The following SLC25A33 variants were observed in gnomAD, a reference collection of about 807,000 sequenced individuals.
SLC25A33 encodes bone marrow stromal cell mitochondrial carrier protein.
A neutral mutation model predicts 35.5 loss-of-function variants in SLC25A33; 15 were observed. The ratio of observed to expected loss-of-function variants is 0.42; its 90% CI spans 0.28 to 0.65. The LOEUF is 0.65. Ranked by LOEUF, SLC25A33 falls within the 30% of genes least tolerant of loss-of-function variation. SLC25A33 has a pLI of 0.20. For synonymous variants in SLC25A33, 136 were observed against 148.7 expected, an observed-to-expected ratio of 0.91 and a Z score of 0.62; for missense variants, 257 against 398.5, an observed-to-expected ratio of 0.64 and a Z score of 3.02.
intron 1 of SLC25A33, among the ~76,000 whole-genome samples, chr1:9,541,360 A>G (rs1417180792): frequency 6.6e-6 from 1 of 152,164 alleles, no homozygotes; most frequent in Non-Finnish European, 1.5e-5. Flanking sequence ...CGTGTTAGCC[A>G]GGATGGTCTC....
At chr1:9,557,060 A>G (rs1005947062) in intron 2 of SLC25A33, among the ~76,000 whole-genome samples, 3 of 152,130 alleles carry the variant, frequency 2.0e-5, no homozygotes, top group Non-Finnish European at 4.4e-5. Flanking sequence ...CAGCCTCCCA[A>G]GTAGCTGGGA....
intron 5 of SLC25A33, 29 bp downstream of exon 5, chr1:9,573,441 G>T: frequency 1.3e-6 from 2 of 1,592,664 alleles, no homozygotes; most frequent in South Asian, 1.1e-5. Flanking sequence ...CTTCCTTAAT[G>T]AAAGGATTTT....
chr1:9,540,198 G>A lies in SLC25A33; in HGVS notation c.56+451G>A, dbSNP rs1195581082. Among the ~76,000 whole-genome samples, 4 of 152,286 alleles carry A rather than the reference G, an allele frequency of 2.6e-5. No individual in the cohort carries two copies. In the East Asian group the frequency reaches 7.7e-4, roughly 29 times the overall value. ...CGAGGTTCCTCAGGGCAGCGCGGGA[G>A]GTCATCCGGACGGGCAAAAAGGTCT... On this transcript the variant is annotated intron_variant, in intron 1 of 6. Coordinates refer to ENST00000302692, the MANE Select transcript of SLC25A33 (RefSeq NM_032315.3).
rs1399369090 is a variant in SLC25A33, at chr1:9,578,733, AGTGCTGGGATTACAGGT to A, written c.483-1217_483-1201del. ...CAGTCCTCCCGCCTTGGCCTCCCAA[AGTGCTGGGATTACAGGT>A]GTGAGCCACTGCTCCCAGCCCTTGT... On this transcript the variant is annotated intron_variant, in intron 5 of 6. Coordinates refer to ENST00000302692, the MANE Select transcript of SLC25A33 (RefSeq NM_032315.3). The surrounding 1 kb of genome is among the most constrained non-coding windows in gnomAD (Gnocchi z 4.3). 6.6e-6 allele frequency among the ~76,000 whole-genome samples: 1 copy of A among 152,182 alleles called. No individual in the cohort carries two copies. The highest frequency in any genetic ancestry group is 1.5e-5 in the Non-Finnish European group (1 of 68,036).
At chr1:9,577,256 G>A (rs936195701) in intron 5 of SLC25A33, among the ~76,000 whole-genome samples, 5 of 152,080 alleles carry the variant, frequency 3.3e-5, no homozygotes, top group Non-Finnish European at 5.9e-5. Flanking sequence ...TCAGGATTTC[G>A]AGACCAGCCT....
chr1:9,553,944 C>T (rs1010180532), intron 2 of SLC25A33, 139 bp downstream of exon 2: 14 of 1,020,270 alleles, frequency 1.4e-5, no homozygotes, highest in Non-Finnish European at 2.0e-5. Flanking sequence ...ATTTCTTTAC[C>T]AATACCTTTG....
At chr1:9,556,675 C>CTGTGTCTGTGTGTGTGTGTG (rs1215058920) in intron 2 of SLC25A33, among the ~76,000 whole-genome samples, 1 of 149,310 alleles carries the variant, frequency 6.7e-6, no homozygotes, top group Non-Finnish European at 1.5e-5. Flanking sequence ...GTGTGTGTGT[C>CTGTGTCTGTGTGTGTGTGTG]TGTGTCTGTG....
At chr1:9,569,941 G>A (rs541150776) in intron 3 of SLC25A33, among the ~76,000 whole-genome samples, 10 of 152,264 alleles carry the variant, frequency 6.6e-5, no homozygotes, top group Middle Eastern at 3.4e-3. Context: ...AACTTCCAAT[G>A]TGTTGAAGCT....
At chr1:9,567,224 A>G in intron 2 of SLC25A33, 60 bp from the exon 3 acceptor site, 1 of 1,400,456 alleles carries the variant, frequency 7.1e-7, no homozygotes, top group Non-Finnish European at 1.0e-6. Flanking sequence ...TTGACTCTTT[A>G]TCATTTTTAA....
At position 9,559,488 on chromosome 1, in the gene SLC25A33, C is replaced by T. The variant is rs573207484; in HGVS notation, c.236+5683C>T. ...AATAGCTACTCTCTGCTTTTAAACACAAGGTTTTGTTTTTTTTTAACCTTA... is the reference window on the plus strand; with the variant it reads ...AATAGCTACTCTCTGCTTTTAAACATAAGGTTTTGTTTTTTTTTAACCTTA... On this transcript the variant is annotated intron_variant, in intron 2 of 6. Transcript: ENST00000302692. Among the ~76,000 whole-genome samples, 18 of 150,810 alleles carry T rather than the reference C, an allele frequency of 1.2e-4. No homozygotes were observed. In the South Asian group the frequency reaches 3.6e-3, roughly 30 times the overall value.
chr1:9,572,743 T>C (rs1205810579), intron 4 of SLC25A33, among the ~76,000 whole-genome samples: 5 of 152,096 alleles, frequency 3.3e-5, no homozygotes, highest in Non-Finnish European at 5.9e-5. Context: ...TTGCTTTTTT[T>C]GGTTGTCCTA....
At chr1:9,556,369 A>G (rs1254155152) in intron 2 of SLC25A33, 1 of 392,876 alleles carries the variant, frequency 2.5e-6, no homozygotes, top group Non-Finnish European at 3.5e-6. Flanking sequence ...TGTGGGTGTC[A>G]ATAGGGCCAA....
chr1:9,550,030 T>A (rs1643243971), intron 1 of SLC25A33, among the ~76,000 whole-genome samples: 1 of 118,470 alleles, frequency 8.4e-6, no homozygotes, highest in African/African-American at 3.3e-5. Flanking sequence ...TTTTTTTTTT[T>A]TTTTTTTTGA....
chr1:9,584,469 G>T lies in SLC25A33; in HGVS notation c.*1968G>T, dbSNP rs1479551235. ...GGCTGGAGTGCAGTGGCACAATCTC[G>T]GCTCACTACAGCCTCCACCTCCCGG... On this transcript the variant is annotated 3_prime_UTR_variant, in exon 7 of 7. Coordinates refer to ENST00000302692, the MANE Select transcript of SLC25A33 (RefSeq NM_032315.3). The T allele has an allele frequency of 6.6e-6, 1 of 152,206 alleles. No homozygotes were observed. The highest frequency in any genetic ancestry group is 1.5e-5 in the Non-Finnish European group (1 of 68,100). The allele number at this position is 152,206 out of a possible 1,614,324, so 9.4% of individuals were successfully genotyped here.
At chr1:9,581,436 T>C (rs113296290) in intron 6 of SLC25A33, among the ~76,000 whole-genome samples, 22 of 152,306 alleles carry the variant, frequency 1.4e-4, no homozygotes, top group African/African-American at 5.1e-4. Context: ...TCATTGAAAC[T>C]AAGCTTTTTT....
At chr1:9,549,735 C>G (rs1424360736) in intron 1 of SLC25A33, among the ~76,000 whole-genome samples, 1 of 150,912 alleles carries the variant, frequency 6.6e-6, no homozygotes, top group Admixed American at 6.6e-5. Flanking sequence ...ATTCTCCTGC[C>G]TCAGCCTCCT....
Position 9,553,777 on chromosome 1 carries a change from G to A in SLC25A33, c.208G>A (p.Val70Met), listed in dbSNP as rs140078620. 17 of 1,613,938 alleles carry A rather than the reference G, an allele frequency of 1.1e-5. No homozygotes were observed. The highest frequency in any genetic ancestry group is 3.3e-5 in the Admixed American group (2 of 59,962). Residue 70 changes from valine (V) to methionine (M), a missense_variant, in exon 2 of 7, where the codon GTG (valine) becomes ATG (methionine). By Grantham distance (21) the Val-to-Met change is conservative. Transcript: ENST00000302692. ...AGCTGGAATGGTGAGACCAACATCC[G>A]TGACACCTGGACTCTTTCAGGTTCT... ...SGAGMVRPTSVTPGLFQVLKS... is the reference protein window; with the variant it reads ...SGAGMVRPTSMTPGLFQVLKS...
chr1:9,575,465 AT>A (rs980870502), intron 5 of SLC25A33, among the ~76,000 whole-genome samples: 7 of 151,574 alleles, frequency 4.6e-5, no homozygotes, highest in African/African-American at 1.7e-4. Flanking sequence ...AAATACAAAA[AT>A]TAGCCAGGCG....
At chr1:9,563,137 G>C (rs1283155263) in intron 2 of SLC25A33, among the ~76,000 whole-genome samples, 1 of 151,896 alleles carries the variant, frequency 6.6e-6, no homozygotes, top group Non-Finnish European at 1.5e-5. Context: ...TGTTAGCCAG[G>C]ACGGTCTCGA....
Sources: gnomAD v4.1 joint callset for allele counts (sites outside exome capture counted in the v4.1 genomes callset) on GRCh38, gnomAD v4.1.1 for gene constraint, Gnocchi (gnomAD v3.1) non-coding constraint, MANE v1.5 for transcripts, NCBI Gene and HGNC (gene_info 2026-07-23, HGNC 2026-07-21) for gene names.